Variants in NBPF11 observed in about 807,000 individuals in gnomAD.
NBPF11 encodes NBPF member 11, also known as NBPF family member NBPF11.
In NBPF11, 72 loss-of-function variants were observed where a neutral mutation model predicts 93.9. That is an observed-to-expected ratio of 0.77 (90% CI 0.63 to 0.93). NBPF11 has a LOEUF of 0.93. Among genes scored for constraint, NBPF11 ranks in the 40% least tolerant of loss-of-function variants. The pLI is 0.00. For synonymous variants in NBPF11, 224 were observed against 304.9 expected (o/e 0.73, Z 2.76); for missense variants, 705 against 802.2 (o/e 0.88, Z 1.46).
chr1:148,122,942 T>C (rs1247782535), intron 7 of NBPF11, 141 bp from the exon 8 acceptor site: 3 of 1,462,344 alleles, frequency 2.1e-6, no homozygotes, highest in Admixed American at 3.6e-5. Flanking sequence ...CTTCACAAAA[T>C]GCCCTGGCAT....
chr1:148,136,088 G>A (rs1671229372), intron 3 of NBPF11, among the ~76,000 whole-genome samples: 1 of 151,982 alleles, frequency 6.6e-6, no homozygotes, highest in African/African-American at 2.4e-5. Context: ...CTCTTTGGAA[G>A]TAGCGAAAGC....
chr1:148,131,131 G>A (rs1411602236), intron 4 of NBPF11, among the ~76,000 whole-genome samples: 2 of 148,952 alleles, frequency 1.3e-5, no homozygotes, highest in Non-Finnish European at 1.5e-5. Context: ...TTTCAGTAGC[G>A]ACTGAGTGGT....
intron 15 of NBPF11, among the ~76,000 whole-genome samples, chr1:148,111,282 C>A (rs1363030641): frequency 2.6e-5 from 4 of 152,010 alleles, no homozygotes; most frequent in African/African-American, 9.7e-5. Flanking sequence ...TAGATAAAAC[C>A]ACAAAGGTGG....
At chr1:148,132,110 C>CT (rs1390337970) in intron 4 of NBPF11, among the ~76,000 whole-genome samples, 2 of 143,494 alleles carry the variant, frequency 1.4e-5, no homozygotes. Context: ...TGCTGTTTAT[C>CT]TTATCAGACT....
chr1:148,146,377 G>A lies in NBPF11; in HGVS notation c.-548-2691C>T, dbSNP rs1673074323. The A allele has an allele frequency of 4.5e-6, 7 of 1,564,502 alleles. No homozygotes were observed. In the South Asian group the frequency reaches 4.6e-5, roughly 10 times the overall value. ...TGGCGGGGGCCCCGGTGGAGGCCCG[G>A]CCCGGGCGGCGCCCGCCATGAACGG... is the stretch of plus-strand genomic sequence containing the variant. On this transcript the variant is annotated intron_variant, in intron 1 of 23. Coordinates refer to ENST00000682118, the MANE Select transcript of NBPF11 (RefSeq NM_001385469.3).
At chr1:148,118,261 C>A (rs1436170902) in intron 11 of NBPF11, among the ~76,000 whole-genome samples, 1 of 151,684 alleles carries the variant, frequency 6.6e-6, no homozygotes, top group African/African-American at 2.4e-5. Flanking sequence ...TGAGAAGCCG[C>A]AGTCAGTCAG....
In NBPF11 at chr1:148,103,906, G is replaced by A; in HGVS notation, c.2588C>T (p.Ala863Val). Residue 863 changes from alanine to valine, a missense_variant, in exon 24 of 24, where the codon GCA (alanine) becomes GTA (valine). This residue lies in a region of NBPF11 where 109 missense variants were observed against 83.3 expected (regional missense o/e 1.31). Coordinates refer to ENST00000682118, the MANE Select transcript of NBPF11 (RefSeq NM_001385469.3). ...GCACTTCCACTTCCATCAGCACGCT[G>A]CTGAGCCTGGAAAAGGAGACAAAAC... ...KIKTHHAPGS[A>V]AC 1 of 1,610,978 alleles carries A rather than the reference G, an allele frequency of 6.2e-7. No homozygotes were observed. The highest frequency in any genetic ancestry group is 2.3e-4 in the Middle Eastern group (1 of 4,434).
chr1:148,108,934 A>G (rs1308871649), intron 17 of NBPF11, among the ~76,000 whole-genome samples: 3 of 149,606 alleles, frequency 2.0e-5, no homozygotes, highest in Admixed American at 6.7e-5. Flanking sequence ...CTGATGAGGG[A>G]GTCAAAGGAC....
chr1:148,147,964 G>A (rs1465506215), intron 1 of NBPF11, among the ~76,000 whole-genome samples: 1 of 152,066 alleles, frequency 6.6e-6, no homozygotes, highest in African/African-American at 2.4e-5. Flanking sequence ...GCCATGAGGG[G>A]GAGGCCAGAG....
At chr1:148,105,741 C>CAA (rs1663414760) in intron 21 of NBPF11, among the ~76,000 whole-genome samples, 1 of 100,574 alleles carries the variant, frequency 9.9e-6, no homozygotes, top group South Asian at 3.5e-4. Context: ...CACACACACA[C>CAA]ACACAAACAC....
chr1:148,122,607 T>G, intron 8 of NBPF11, 122 bp downstream of exon 8: 2 of 1,431,638 alleles, frequency 1.4e-6, no homozygotes, highest in South Asian at 1.2e-5. Context: ...TGGGTTGAAT[T>G]TCACATACTG....
chr1:148,124,202 G>A (rs1668543921), intron 6 of NBPF11, 135 bp from the exon 7 acceptor site: 1 of 679,402 alleles, frequency 1.5e-6, no homozygotes, highest in Non-Finnish European at 2.6e-6. Context: ...TGAAAGGAAT[G>A]TCTGTGGCCA....
intron 21 of NBPF11, 33 bp from the exon 22 acceptor site, chr1:148,105,561 A>G (rs1477481463): frequency 1.4e-6 from 1 of 723,548 alleles, no homozygotes; most frequent in South Asian, 1.4e-5. Context: ...AGAATAAGCC[A>G]GGGGAAATCA....
chr1:148,111,271 G>A (rs1383374240), intron 15 of NBPF11, among the ~76,000 whole-genome samples: 2 of 152,074 alleles, frequency 1.3e-5, no homozygotes, highest in Non-Finnish European at 1.5e-5. Flanking sequence ...AAGACCAAGG[G>A]TAGATAAAAC....
chr1:148,148,120 G>C (rs1647228259), intron 1 of NBPF11, among the ~76,000 whole-genome samples: 3 of 152,196 alleles, frequency 2.0e-5, no homozygotes, highest in Non-Finnish European at 4.4e-5. Flanking sequence ...AGCAGGCCGG[G>C]GAGGCCGAGG....
In NBPF11 at chr1:148,103,783, GT is replaced by G; in HGVS notation, c.*112del. The G allele has an allele frequency of 6.2e-7, 1 of 1,611,944 alleles. No individual in the cohort carries two copies. Among genetic ancestry groups the G allele is most frequent in the African/African-American group, 1.3e-5 (1 of 74,876 alleles). On this transcript the variant is annotated 3_prime_UTR_variant, in exon 24 of 24. Coordinates refer to ENST00000682118, the MANE Select transcript of NBPF11 (RefSeq NM_001385469.3). ...AGCTGATGTGCTGTTCCTCAAATGA[GT>G]AAAACACACTTCTGTAGTGCTGGAA... is the stretch of plus-strand genomic sequence containing the variant.
intron 4 of NBPF11, among the ~76,000 whole-genome samples, chr1:148,134,035 C>A: frequency 6.6e-6 from 1 of 152,092 alleles, no homozygotes; most frequent in Non-Finnish European, 1.5e-5. Flanking sequence ...TTCCAGAACC[C>A]TGTTGTTCTG....
chr1:148,145,585 A>T (rs1187339361), intron 1 of NBPF11, among the ~76,000 whole-genome samples: 2 of 151,424 alleles, frequency 1.3e-5, no homozygotes, highest in African/African-American at 4.9e-5. Flanking sequence ...ATTTCATTAA[A>T]ATTAAGATAC....
intron 7 of NBPF11, 139 bp downstream of exon 7, chr1:148,123,714 G>C: frequency 6.4e-7 from 1 of 1,550,950 alleles, no homozygotes; most frequent in Non-Finnish European, 8.9e-7. Flanking sequence ...TCTTACTCAG[G>C]AAGTCCTGAT....
Sources: gnomAD v4.1 joint callset for allele counts (sites outside exome capture counted in the v4.1 genomes callset) on GRCh38, gnomAD v4.1.1 for gene constraint, gnomAD v4.1.1 regional missense constraint, MANE v1.5 for transcripts, NCBI Gene and HGNC (gene_info 2026-07-23, HGNC 2026-07-21) for gene names.